Variants in SV2B observed in about 807,000 individuals in gnomAD.
SV2B encodes solute carrier family 22 member B2.
A neutral mutation model predicts 73.9 loss-of-function variants in SV2B; 41 were observed. The observed-to-expected ratio is 0.56, with a 90% confidence interval of 0.43 to 0.72. The LOEUF (loss-of-function observed/expected upper bound fraction) is 0.72, where lower values mean the gene tolerates loss of function less well. Among genes scored for constraint, SV2B ranks in the 30% least tolerant of loss-of-function variants. SV2B has a pLI of 0.00. For synonymous variants in SV2B, 314 were observed against 314.2 expected, an observed-to-expected ratio of 1.00 and a Z score of 0.01; for missense variants, 764 against 857.8, an observed-to-expected ratio of 0.89 and a Z score of 1.37.
chr15:91,288,219 C>T lies in SV2B; in HGVS notation c.1709-1302C>T, dbSNP rs2048926780. The stretch of plus-strand genomic sequence containing the variant: ...TAGCCCATGTACAGGTGTGTTCTCA[C>T]CAGGTTATAAGCTCCATGAGAATGG... On this transcript the variant is annotated intron_variant, in intron 11 of 12. Transcript: ENST00000394232. The surrounding 1 kb of genome is among the most constrained non-coding windows in gnomAD (Gnocchi z 5.8). Among the ~76,000 whole-genome samples, 1 of 151,886 alleles carries T rather than the reference C, an allele frequency of 6.6e-6. No individual in the cohort carries two copies. The highest frequency in any genetic ancestry group is 2.1e-4 in the South Asian group (1 of 4,802).
At chr15:91,165,807 T>C (rs527714127) in intron 1 of SV2B, among the ~76,000 whole-genome samples, 1 of 152,362 alleles carries the variant, frequency 6.6e-6, no homozygotes, top group African/African-American at 2.4e-5. Context: ...TAGTCAATTA[T>C]GTTTATCCAG....
At chr15:91,271,537 T>A (rs1019505422) in intron 9 of SV2B, among the ~76,000 whole-genome samples, 2 of 152,238 alleles carry the variant, frequency 1.3e-5, no homozygotes, top group Non-Finnish European at 2.9e-5. Context: ...CTTCAAAAGT[T>A]GTAATGAGTT....
chr15:91,190,981 C>G (rs745553895), intron 1 of SV2B, among the ~76,000 whole-genome samples: 9 of 150,468 alleles, frequency 6.0e-5, no homozygotes, highest in Non-Finnish European at 1.0e-4. Flanking sequence ...TTTATCATAC[C>G]TCTGTCCTTA....
Position 91,129,819 on chromosome 15 carries a change from T to C in SV2B, c.-392+29456T>C, listed in dbSNP as rs952159472. On this transcript the variant is annotated intron_variant, in intron 1 of 12. Coordinates refer to ENST00000394232, the MANE Select transcript of SV2B (RefSeq NM_001323032.3). The surrounding 1 kb of genome is among the most constrained non-coding windows in gnomAD (Gnocchi z 5.1). Reference sequence around the variant, plus strand: ...CTTACTAACTGTGTGACCGTAAGTATGGTTTTCCTCAGCCTGTGTTTCCTC... The same window carrying C: ...CTTACTAACTGTGTGACCGTAAGTACGGTTTTCCTCAGCCTGTGTTTCCTC... Among the ~76,000 whole-genome samples the C allele has an allele frequency of 2.0e-5, 3 of 152,184 alleles. No individual in the cohort carries two copies. The highest frequency in any genetic ancestry group is 1.3e-4 in the Admixed American group (2 of 15,290).
intron 1 of SV2B, among the ~76,000 whole-genome samples, chr15:91,153,214 C>T (rs78788376): frequency 0.012 from 1,794 of 152,306 alleles, 35 homozygotes; most frequent in African/African-American, 0.041. Context: ...TCACCTCCAC[C>T]TCTTAATACT....
At chr15:91,259,299 C>G (rs1398969250) in intron 5 of SV2B, among the ~76,000 whole-genome samples, 1 of 152,110 alleles carries the variant, frequency 6.6e-6, no homozygotes, top group Non-Finnish European at 1.5e-5. Context: ...CTTCCAACAG[C>G]AGGGGAACCT....
Position 91,155,552 on chromosome 15 carries a change from T to C in SV2B, c.-392+55189T>C, listed in dbSNP as rs527669430. 8.5e-5 allele frequency among the ~76,000 whole-genome samples: 13 copies of C among 152,320 alleles called. No individual in the cohort carries two copies. In the South Asian group the frequency reaches 2.7e-3, roughly 32 times the overall value. ...CCAAGATGCAGGAGAGGACTTTCTG[T>C]CTGAGTCCATGGATCAGGGCATGTG... On this transcript the variant is annotated intron_variant, in intron 1 of 12. Transcript: ENST00000394232.
rs146646616 is a variant in SV2B, at chr15:91,276,898, C to T, written c.1374-4830C>T. ...GCGCAATGGCATGATCTCAGCTCACCGCAATCTCTGCCTCCCAGTTCAAGT... is the reference window on the plus strand; with the variant it reads ...GCGCAATGGCATGATCTCAGCTCACTGCAATCTCTGCCTCCCAGTTCAAGT... On this transcript the variant is annotated intron_variant, in intron 9 of 12. Transcript: ENST00000394232. Among the ~76,000 whole-genome samples, 851 of 127,172 alleles carry T rather than the reference C, an allele frequency of 6.7e-3. 15 individuals carry two copies. Among genetic ancestry groups the T allele is most frequent in the African/African-American group, 0.027 (818 of 29,920 alleles). The allele number at this position is 127,172 out of a possible 152,430, so 83.4% of individuals were successfully genotyped here.
chr15:91,167,105 G>A (rs142555977), intron 1 of SV2B, among the ~76,000 whole-genome samples: 7 of 152,176 alleles, frequency 4.6e-5, no homozygotes, highest in South Asian at 2.1e-4. Context: ...GAGCCACCGC[G>A]CCCGGCCGTA....
In SV2B at chr15:91,122,307, C is replaced by T. The variant is rs1234781876; in HGVS notation, c.-392+21944C>T. On this transcript the variant is annotated intron_variant, in intron 1 of 12. Transcript: ENST00000394232. This position sits in a 1 kb window ranked among gnomAD's most constrained non-coding sequence, Gnocchi z 4.3. ...AGTTGATCAACGATATCCTCTCCCT[C>T]CTCCATCAAGAATTAAGTCATGCTG... 1.3e-5 allele frequency among the ~76,000 whole-genome samples: 2 copies of T among 152,232 alleles called. No individual in the cohort carries two copies. Among genetic ancestry groups the T allele is most frequent in the African/African-American group, 2.4e-5 (1 of 41,468 alleles).
Position 91,214,105 on chromosome 15 carries a change from A to G in SV2B, c.-391-11768A>G, listed in dbSNP as rs563600836. On this transcript the variant is annotated intron_variant, in intron 1 of 12. Transcript: ENST00000394232. This position sits in a 1 kb window ranked among gnomAD's most constrained non-coding sequence, Gnocchi z 4.7. ...GAAATCAGTCATATGGGAACAAAAT[A>G]TCAGCTCATGACTACTGGGAAGTGG... Among the ~76,000 whole-genome samples the G allele has an allele frequency of 1.3e-5, 2 of 152,358 alleles. No homozygotes were observed. The highest frequency in any genetic ancestry group is 1.9e-4 in the East Asian group (1 of 5,190).
Position 91,267,474 on chromosome 15 carries a change from A to G in SV2B, c.1120-81A>G. The stretch of plus-strand genomic sequence containing the variant: ...GGGTTCCTAGGCAACTTATTAGAAT[A>G]TCTGAGTAATGAGCTCTTCGTGGGA... On this transcript the variant is annotated intron_variant, in intron 7 of 12. Transcript: ENST00000394232. This position sits in a 1 kb window ranked among gnomAD's most constrained non-coding sequence, Gnocchi z 4.3. The G allele has an allele frequency of 8.0e-7, 1 of 1,253,838 alleles. No homozygotes were observed. The highest frequency in any genetic ancestry group is 1.1e-6 in the Non-Finnish European group (1 of 870,352). The allele number at this position is 1,253,838 out of a possible 1,614,324, so 77.7% of individuals were successfully genotyped here. A position where few individuals can be genotyped will look rare whatever the true frequency, so the allele number is the denominator to read the frequency against.
Position 91,115,854 on chromosome 15 carries a change from T to C in SV2B, c.-392+15491T>C, listed in dbSNP as rs1272524955. Among the ~76,000 whole-genome samples the C allele has an allele frequency of 6.6e-6, 1 of 152,218 alleles. No homozygotes were observed. Among genetic ancestry groups the C allele is most frequent in the African/African-American group, 2.4e-5 (1 of 41,442 alleles). On this transcript the variant is annotated intron_variant, in intron 1 of 12. Coordinates refer to ENST00000394232, the MANE Select transcript of SV2B (RefSeq NM_001323032.3). This position sits in a 1 kb window ranked among gnomAD's most constrained non-coding sequence, Gnocchi z 4.3. ...GCAAATGTTTATTGACTTCTCATTG[T>C]GTTAGGCATCAGAGTTAATGATAGG...
chr15:91,195,527 A>G (rs763853257), intron 1 of SV2B, among the ~76,000 whole-genome samples: 1 of 152,202 alleles, frequency 6.6e-6, no homozygotes, highest in Non-Finnish European at 1.5e-5. Flanking sequence ...ACCTGGGTTG[A>G]TGCAACTTCC....
chr15:91,250,994 C>T (rs2047460615), intron 2 of SV2B, among the ~76,000 whole-genome samples: 1 of 152,038 alleles, frequency 6.6e-6, no homozygotes, highest in Non-Finnish European at 1.5e-5. Flanking sequence ...TTTGGATAGG[C>T]AAAGCAGTCG....
intron 1 of SV2B, among the ~76,000 whole-genome samples, chr15:91,177,982 G>C (rs1411829171): frequency 7.4e-6 from 1 of 135,462 alleles, no homozygotes; most frequent in South Asian, 2.4e-4. Context: ...GTTTTCAAAG[G>C]GAATGCTTCC....
At chr15:91,204,954 T>C (rs1440117327) in intron 1 of SV2B, among the ~76,000 whole-genome samples, 1 of 152,220 alleles carries the variant, frequency 6.6e-6, no homozygotes. Context: ...TTGAAAGACC[T>C]AACTTGCATG....
Position 91,137,645 on chromosome 15 carries a change from CAT to C in SV2B, c.-392+37289_-392+37290del, listed in dbSNP as rs10585508. On this transcript the variant is annotated intron_variant, in intron 1 of 12. Coordinates refer to ENST00000394232, the MANE Select transcript of SV2B (RefSeq NM_001323032.3). This position sits in a 1 kb window ranked among gnomAD's most constrained non-coding sequence, Gnocchi z 4.9. ...CATATATACATATATTTCATATATA[CAT>C]ATATATTTCATATATACATATATTT... Among the ~76,000 whole-genome samples the C allele has an allele frequency of 0.23, 13,887 of 60,162 alleles. 800 individuals carry two copies. Among genetic ancestry groups the C allele is most frequent in the Non-Finnish European group, 0.28 (8,353 of 29,674 alleles). 39.5% of individuals were successfully genotyped at this position (60,162 alleles called of 152,430 possible). A position where few individuals can be genotyped will look rare whatever the true frequency, so the allele number is the denominator to read the frequency against.
At chr15:91,238,098 C>T (rs1034657000) in intron 2 of SV2B, among the ~76,000 whole-genome samples, 2 of 152,162 alleles carry the variant, frequency 1.3e-5, no homozygotes, top group African/African-American at 4.8e-5. Flanking sequence ...TATTTTCTCC[C>T]ATACAGACTT....
Sources: allele counts gnomAD v4.1 joint callset (sites outside exome capture counted in the v4.1 genomes callset), GRCh38; gene constraint gnomAD v4.1.1; non-coding constraint Gnocchi (gnomAD v3.1); transcripts MANE v1.5; gene names NCBI Gene and HGNC (gene_info 2026-07-23, HGNC 2026-07-21).